Variants in SMG6 observed in about 807,000 individuals in gnomAD.
SMG6 encodes the protein SMG6 nonsense mediated mRNA decay factor.
Under a neutral mutation model 142.2 loss-of-function variants are expected in SMG6, and 66 were observed. That is an observed-to-expected ratio of 0.46 (90% confidence interval 0.38 to 0.57). The LOEUF (loss-of-function observed/expected upper bound fraction) is 0.57. Ranked by LOEUF, SMG6 falls within the 20% of genes least tolerant of loss-of-function variation. The pLI is 0.00. For missense variants in SMG6, 1,793 were observed against 1,832.0 expected (o/e 0.98, Z 0.39); for synonymous variants, 779 against 702.4 (o/e 1.11, Z -1.72).
At chr17:2,244,617 T>C (rs778167854) in intron 9 of SMG6, 41 bp downstream of exon 9, 1 of 1,516,302 alleles carries the variant, frequency 6.6e-7, no homozygotes, top group South Asian at 1.1e-5. Context: ...CCAAAATGAC[T>C]TGTAATGTAG....
At chr17:2,064,244 G>A (rs547675335) in intron 18 of SMG6, among the ~76,000 whole-genome samples, 1 of 152,270 alleles carries the variant, frequency 6.6e-6, no homozygotes, top group East Asian at 1.9e-4. Context: ...AGATGACACA[G>A]AGCTGGCAGG....
chr17:2,263,445 G>A (rs1182125918), intron 8 of SMG6, among the ~76,000 whole-genome samples: 2 of 151,972 alleles, frequency 1.3e-5, no homozygotes, highest in East Asian at 1.9e-4. Flanking sequence ...TGAACGACAC[G>A]GAAAAAACAG....
chr17:2,180,840 A>G (rs2071784018), intron 12 of SMG6, among the ~76,000 whole-genome samples: 1 of 152,190 alleles, frequency 6.6e-6, no homozygotes, highest in African/African-American at 2.4e-5. Flanking sequence ...TCTTTGTAGG[A>G]AAAACAGGCT....
At chr17:2,073,941 T>C (rs1409892579) in intron 15 of SMG6, among the ~76,000 whole-genome samples, 2 of 151,344 alleles carry the variant, frequency 1.3e-5, no homozygotes, top group Non-Finnish European at 2.9e-5. Context: ...CAGCCGGGGA[T>C]GGTGGCACAT....
chr17:2,294,882 T>C lies in SMG6; in HGVS notation c.2152-1905A>G, dbSNP rs548703645. Among the ~76,000 whole-genome samples, 11 of 149,470 alleles carry C rather than the reference T, an allele frequency of 7.4e-5. No homozygotes were observed. The South Asian group carries it at 2.3e-3, about 31-fold the overall frequency. On this transcript the variant is annotated intron_variant, in intron 4 of 18. Coordinates refer to ENST00000263073, the MANE Select transcript of SMG6 (RefSeq NM_017575.5). Reference sequence around the variant, plus strand: ...TGTAAGAGGAACTCAATAAACACTTTTTTTTTTTTTTGAGATAGAGTCTCA... The same window carrying C: ...TGTAAGAGGAACTCAATAAACACTTCTTTTTTTTTTTGAGATAGAGTCTCA...
At chr17:2,301,564 C>T (rs188112664) in intron 1 of SMG6, among the ~76,000 whole-genome samples, 36 of 149,280 alleles carry the variant, frequency 2.4e-4, no homozygotes, top group African/African-American at 9.3e-4. Context: ...CACTCTCGGC[C>T]GGGCGCGGTG....
chr17:2,092,873 T>C (rs1437053072), intron 13 of SMG6, among the ~76,000 whole-genome samples: 2 of 152,210 alleles, frequency 1.3e-5, no homozygotes, highest in Non-Finnish European at 2.9e-5. Context: ...CTCTGAGCCT[T>C]TGTTTGCTCA....
intron 12 of SMG6, chr17:2,173,205 T>C: frequency 3.4e-6 from 1 of 295,240 alleles, no homozygotes; most frequent in Non-Finnish European, 6.5e-6. Flanking sequence ...CACCCAGTGC[T>C]TGTGGCTGCT....
chr17:2,060,884 G>T lies in SMG6; in HGVS notation c.*608C>A. On this transcript the variant is annotated 3_prime_UTR_variant, in exon 19 of 19. Transcript: ENST00000263073. ...AGCAGGAAGGGTGTGTGGTAAGTCTGGGGTGGATGGTAGAAGAGGTGGGGG... is the reference window on the plus strand; with the variant it reads ...AGCAGGAAGGGTGTGTGGTAAGTCTTGGGTGGATGGTAGAAGAGGTGGGGG... 1 of 154,006 alleles carries T rather than the reference G, an allele frequency of 6.5e-6. No individual in the cohort carries two copies. The highest frequency in any genetic ancestry group is 1.4e-5 in the Non-Finnish European group (1 of 69,306). The allele number at this position is 154,006 out of a possible 1,614,324, so 9.5% of individuals were successfully genotyped here. A position where few individuals can be genotyped will look rare whatever the true frequency, so the allele number is the denominator to read the frequency against.
intron 13 of SMG6, among the ~76,000 whole-genome samples, chr17:2,166,647 C>G (rs1201587056): frequency 6.6e-6 from 1 of 152,124 alleles, no homozygotes; most frequent in African/African-American, 2.4e-5. Flanking sequence ...TTTGTAGGGA[C>G]AGGTTTTTGC....
At chr17:2,275,368 G>GC (rs2074626628) in intron 8 of SMG6, among the ~76,000 whole-genome samples, 1 of 152,208 alleles carries the variant, frequency 6.6e-6, no homozygotes, top group East Asian at 1.9e-4. Context: ...GCTGCAGTGA[G>GC]CTGAGATCAC....
At chr17:2,116,274 T>G (rs1210298468) in intron 13 of SMG6, among the ~76,000 whole-genome samples, 1 of 152,116 alleles carries the variant, frequency 6.6e-6, no homozygotes, top group Admixed American at 6.6e-5. Context: ...AGGCAGGGTC[T>G]TGCTATGTTG....
chr17:2,139,225 G>T (rs2070396667), intron 13 of SMG6, among the ~76,000 whole-genome samples: 2 of 152,176 alleles, frequency 1.3e-5, no homozygotes, highest in Non-Finnish European at 1.5e-5. Context: ...AAAGGCAGAA[G>T]AAACAGCCCC....
chr17:2,187,766 G>A (rs1279144792), intron 11 of SMG6, among the ~76,000 whole-genome samples: 3 of 150,696 alleles, frequency 2.0e-5, no homozygotes, highest in South Asian at 2.1e-4. Context: ...GGCAGCCTCC[G>A]AAGCTGGAGG....
intron 10 of SMG6, among the ~76,000 whole-genome samples, chr17:2,192,317 T>C (rs1429292421): frequency 6.6e-6 from 1 of 152,250 alleles, no homozygotes; most frequent in Non-Finnish European, 1.5e-5. Context: ...CAGAAAAATC[T>C]GGCAGCGATG....
intron 10 of SMG6, chr17:2,216,082 T>C (rs2073011091): frequency 6.6e-6 from 1 of 152,144 alleles, no homozygotes; most frequent in Non-Finnish European, 1.5e-5. Context: ...TCCGCTACAC[T>C]TTCTTTTAAA....
chr17:2,243,533 T>C (rs928457304), intron 9 of SMG6, among the ~76,000 whole-genome samples: 1 of 152,004 alleles, frequency 6.6e-6, no homozygotes, highest in Non-Finnish European at 1.5e-5. Flanking sequence ...ATGCAAAAAT[T>C]AGCCAGACGC....
chr17:2,297,564 A>G (rs2075170394), intron 3 of SMG6, among the ~76,000 whole-genome samples: 2 of 108,602 alleles, frequency 1.8e-5, no homozygotes, highest in Non-Finnish European at 3.8e-5. Flanking sequence ...GAACACATGA[A>G]CACACACACA....
intron 13 of SMG6, among the ~76,000 whole-genome samples, chr17:2,139,526 A>G (rs753670914): frequency 3.3e-5 from 5 of 150,696 alleles, no homozygotes; most frequent in Non-Finnish European, 5.9e-5. Flanking sequence ...GCATCAAGCG[A>G]TTCTCCAGCC....
Sources: gnomAD v4.1 joint callset for allele counts (sites outside exome capture counted in the v4.1 genomes callset) on GRCh38, gnomAD v4.1.1 for gene constraint, MANE v1.5 for transcripts, NCBI Gene and HGNC (gene_info 2026-07-23, HGNC 2026-07-21) for gene names.